PLXNB3: variants seen among roughly 807,000 people sequenced by gnomAD.
PLXNB3 encodes the protein plexin B3.
Under a neutral mutation model 125.7 loss-of-function variants are expected in PLXNB3, and 80 were observed. That is an observed-to-expected ratio of 0.64 (90% confidence interval 0.53 to 0.77). The LOEUF is 0.77. PLXNB3 is among the 30% of genes least tolerant of loss of function. The pLI is 0.00. For missense variants in PLXNB3, 1,836 were observed against 1,729.3 expected (o/e 1.06, Z -1.09); for synonymous variants, 954 against 783.3 (o/e 1.22, Z -3.64).
intron 32 of PLXNB3, 27 bp from the exon 33 acceptor site, chrX:153,778,234 C>A: frequency 8.3e-7 from 1 of 1,200,691 alleles, no homozygotes; most frequent in Non-Finnish European, 1.1e-6. Context: ...GAGCTCATGC[C>A]TAGCGCCTCC....
intron 4 of PLXNB3, among the ~76,000 whole-genome samples, 158 bp downstream of exon 4, chrX:153,768,586 G>A (rs1365053709): frequency 7.1e-5 from 8 of 113,026 alleles, no homozygotes; most frequent in Non-Finnish European, 1.3e-4. Context: ...CCTGCAGCCC[G>A]GCCTTCACCA....
At position 153,766,531 on chromosome X, in the gene PLXNB3, G is replaced by A; in HGVS notation, c.46-342G>A. 3.9e-6 allele frequency: 4 copies of A among 1,029,726 alleles called. No individual in the cohort carries two copies. In the South Asian group the frequency reaches 9.4e-5, roughly 24 times the overall value. The allele number at this position is 1,029,726 out of a possible 1,213,427, so 84.9% of individuals were successfully genotyped here. A position where few individuals can be genotyped will look rare whatever the true frequency, so the allele number is the denominator to read the frequency against. On this transcript the variant is annotated intron_variant, in intron 2 of 35. Coordinates refer to ENST00000361971, the MANE Select transcript of PLXNB3 (RefSeq NM_005393.3). ...TGTGACTCACAGTCCCTCTGTTAGCGCTCTTGCGGCTTTCCAGGACCTGCC... is the reference window on the plus strand; with the variant it reads ...TGTGACTCACAGTCCCTCTGTTAGCACTCTTGCGGCTTTCCAGGACCTGCC...
Position 153,778,580 on chromosome X carries a change from C to T in PLXNB3, c.5551-20C>T. On this transcript the variant is annotated intron_variant, in intron 34 of 35. Transcript: ENST00000361971. The stretch of plus-strand genomic sequence containing the variant: ...GACCAGGCTGGGACCTCACTGCCCC[C>T]CTCCACGTGGTGCCCCCAGAACTAC... 1 of 1,188,910 alleles carries T rather than the reference C, an allele frequency of 8.4e-7. No individual in the cohort carries two copies. Among genetic ancestry groups the T allele is most frequent in the Non-Finnish European group, 1.1e-6 (1 of 879,725 alleles).
Position 153,778,294 on chromosome X carries a change from G to C in PLXNB3, c.5443G>C (p.Glu1815Gln). 1.4e-5 allele frequency: 17 copies of C among 1,201,233 alleles called. No homozygotes were observed. The highest frequency in any genetic ancestry group is 1.9e-5 in the Non-Finnish European group (17 of 888,506). ...AGTGAACAAACTGCTCTACGCCCGG[G>C]AGATCCCACGCTACAAGCAGATGGT... The part of the protein sequence containing the change: ...SPVNKLLYAR[E>Q]IPRYKQMVER... Residue 1815 changes from glutamate (E) to glutamine (Q), a missense_variant, in exon 33 of 36, where the codon GAG (glutamate) becomes CAG (glutamine). By Grantham distance (29) the Glu-to-Gln change is conservative. Coordinates refer to ENST00000361971, the MANE Select transcript of PLXNB3 (RefSeq NM_005393.3).
chrX:153,765,837 A>G (rs1557058972), intron 2 of PLXNB3: 1 of 752,867 alleles, frequency 1.3e-6, no homozygotes, highest in Non-Finnish European at 1.6e-6. Context: ...ATGTGACCAC[A>G]CACCCAGGGC....
Position 153,771,975 on chromosome X carries a change from C to T in PLXNB3, c.2629C>T (p.Pro877Ser). 1 of 1,205,981 alleles carries T rather than the reference C, an allele frequency of 8.3e-7. No homozygotes were observed. The change falls in exon 15 of 36, where the codon CCC becomes TCC. Residue 877 changes from proline to serine, a missense_variant. Transcript: ENST00000361971. ...VQYAVSVASR[P>S]CNPEPSLYRT... ...GTACGCCGTGAGCGTGGCCAGCCGG[C>T]CCTGCAACCCTGAGCCCTCTCTCTA...
In PLXNB3 at chrX:153,776,220, A is replaced by G; in HGVS notation, c.4729+6A>G. On this transcript the variant is annotated splice_donor_region_variant and intron_variant, in intron 27 of 35. Transcript: ENST00000361971. ...AGTGCATGCCCTAGACCTTGGTGAG[A>G]GAGCCAGCCCTGCCCACCCACCCCA... 1 of 1,161,526 alleles carries G rather than the reference A, an allele frequency of 8.6e-7. No homozygotes were observed. Among genetic ancestry groups the G allele is most frequent in the African/African-American group, 1.8e-5 (1 of 56,532 alleles).
At chrX:153,777,447 G>A (rs1386943646) in intron 30 of PLXNB3, 67 bp downstream of exon 30, 7 of 1,182,826 alleles carry the variant, frequency 5.9e-6, no homozygotes, top group African/African-American at 5.3e-5. Context: ...GAGCCAGGGT[G>A]TGGGAGGGGC....
chrX:153,775,959 G>A lies in PLXNB3; in HGVS notation c.4474G>A (p.Ala1492Thr), dbSNP rs2091981187. The A allele has an allele frequency of 8.3e-7, 1 of 1,210,085 alleles. No individual in the cohort carries two copies. Among genetic ancestry groups the A allele is most frequent in the African/African-American group, 1.7e-5 (1 of 57,551 alleles). Residue 1492 changes from alanine (A) to threonine (T), a missense_variant, in exon 27 of 36, where the codon GCC (alanine) becomes ACC (threonine). Physicochemically the swap from Ala to Thr is moderately conservative, Grantham distance 58. Transcript: ENST00000361971. ...CCAGGTGGACAAAGGCCCCGTGGAC[G>A]CCGTGACAGGCAAGGCCAAACGGAC... ...QYQVDKGPVD[A>T]VTGKAKRTLN...
chrX:153,773,787 C>T (rs2091958284), intron 19 of PLXNB3, 72 bp from the exon 20 acceptor site: 8 of 1,193,696 alleles, frequency 6.7e-6, no homozygotes, highest in African/African-American at 1.7e-5. Context: ...GGAGGGTAGG[C>T]CGCCATGCCC....
Position 153,770,554 on chromosome X carries a change from G to A in PLXNB3, c.1922G>A (p.Trp641Ter). Residue 641 changes from tryptophan to a stop codon, truncating the protein, a stop_gained, in exon 10 of 36, where the codon TGG becomes TAG. Coordinates refer to ENST00000361971, the MANE Select transcript of PLXNB3 (RefSeq NM_005393.3). LOFTEE classifies it high-confidence loss of function. Reference sequence around the variant, plus strand: ...TGTCGCGCTTGCGTGGGCAGCATCTGGCGGTGTCACTGGTGCCCGCAGAGT... The same window carrying A: ...TGTCGCGCTTGCGTGGGCAGCATCTAGCGGTGTCACTGGTGCCCGCAGAGT... The part of the protein sequence containing the change: ...APCRACVGSI[W>*]RCHWCPQSSH... 1 of 1,211,324 alleles carries A rather than the reference G, an allele frequency of 8.3e-7. No individual in the cohort carries two copies. Among genetic ancestry groups the A allele is most frequent in the Non-Finnish European group, 1.1e-6 (1 of 895,460 alleles).
At position 153,767,831 on chromosome X, in the gene PLXNB3, C is replaced by T. The variant is rs1236522993; in HGVS notation, c.1004C>T (p.Thr335Met). 16 of 1,147,213 alleles carry T rather than the reference C, an allele frequency of 1.4e-5. No individual in the cohort carries two copies. Among genetic ancestry groups the T allele is most frequent in the South Asian group, 4.0e-5 (2 of 50,390 alleles). 94.5% of individuals were successfully genotyped at this position (1,147,213 alleles called of 1,213,427 possible). ...SMEQARRLCY[T>M]AGGRGPSGAE... ...GAGCAGGCCCGGAGACTCTGCTACA[C>T]GGCGGGCGGCCGGGGCCCCAGCGGC... Residue 335 changes from threonine to methionine, a missense_variant, in exon 3 of 36, where the codon ACG becomes ATG. Coordinates refer to ENST00000361971, the MANE Select transcript of PLXNB3 (RefSeq NM_005393.3).
rs1557061808 is a variant in PLXNB3 at position 153,771,384 on chromosome X, C to T, written c.2328C>T (p.Asp776=). 8.3e-7 allele frequency: 1 copy of T among 1,210,084 alleles called. No homozygotes were observed. Among genetic ancestry groups the T allele is most frequent in the Non-Finnish European group, 1.1e-6 (1 of 894,212 alleles). The change falls in exon 13 of 36, where the codon GAC becomes GAT. Residue 776 remains aspartate, a synonymous_variant. Coordinates refer to ENST00000361971, the MANE Select transcript of PLXNB3 (RefSeq NM_005393.3). ...CCCAGGGTGAAGCCCAGAGGCTGGACAACACCCATGCTCTTTATGGTGAGC... is the reference window on the plus strand; with the variant it reads ...CCCAGGGTGAAGCCCAGAGGCTGGATAACACCCATGCTCTTTATGGTGAGC... The part of the protein sequence containing the change: ...YVTQGEAQRL[D]NTHALYVILY...
In PLXNB3 at chrX:153,767,676, C is replaced by T. The variant is rs782739798; in HGVS notation, c.849C>T (p.Cys283=). 3.4e-6 allele frequency: 4 copies of T among 1,186,995 alleles called. No homozygotes were observed. Among genetic ancestry groups the T allele is most frequent in the Non-Finnish European group, 4.5e-6 (4 of 883,184 alleles). Residue 283 remains cysteine (C), a synonymous_variant, in exon 3 of 36, where the codon TGC becomes TGT. Coordinates refer to ENST00000361971, the MANE Select transcript of PLXNB3 (RefSeq NM_005393.3). ...CCTACGTGGAGGTCCCCCTCGCCTG[C>T]CAGGGCCAGGGCCTCATCCAGGCCG... is the stretch of plus-strand genomic sequence containing the variant. The part of the protein sequence containing the change: ...LYSYVEVPLA[C]QGQGLIQAAF...
intron 25 of PLXNB3, 30 bp from the exon 26 acceptor site, chrX:153,775,564 A>T (rs1557063789): frequency 1.5e-5 from 18 of 1,197,424 alleles, no homozygotes; most frequent in Non-Finnish European, 2.0e-5. Context: ...ACAGGCACAA[A>T]GGCCTGACCC....
In PLXNB3 at chrX:153,768,335, G is replaced by A. The variant is rs143340217; in HGVS notation, c.1173G>A (p.Leu391=). The change falls in exon 4 of 36, where the codon CTG becomes CTA. Residue 391 remains leucine (L), a synonymous_variant. Transcript: ENST00000361971. ...AGCCCCTGGAGGTCCAGCCTCTGCTGAAGCTCGGGCAGCCGGTCAGCGCCG... is the reference window on the plus strand; with the variant it reads ...AGCCCCTGGAGGTCCAGCCTCTGCTAAAGCTCGGGCAGCCGGTCAGCGCCG... ...GRQPLEVQPL[L]KLGQPVSAVA... is the part of the protein sequence containing the mutation. The A allele has an allele frequency of 4.7e-4, 567 of 1,209,799 alleles. No homozygotes were observed. Among genetic ancestry groups the A allele is most frequent in the Non-Finnish European group, 5.2e-4 (461 of 894,785 alleles).
At position 153,774,065 on chromosome X, in the gene PLXNB3, C is replaced by T; in HGVS notation, c.3486C>T (p.Tyr1162=). The change falls in exon 20 of 36, where the codon TAC becomes TAT. Residue 1162 remains tyrosine (Y), a synonymous_variant. Transcript: ENST00000361971. The part of the protein sequence containing the change: ...PLSREGPARP[Y]RLKPGHVLDV... ...GCCGCGAGGGGCCTGCCCGCCCCTA[C>T]CGCCTCAAGCCAGGCCATGTCCTGG... is the stretch of plus-strand genomic sequence containing the variant. 8.4e-7 allele frequency: 1 copy of T among 1,189,609 alleles called. No homozygotes were observed. The highest frequency in any genetic ancestry group is 1.1e-6 in the Non-Finnish European group (1 of 884,388).
At position 153,766,287 on chromosome X, in the gene PLXNB3, G is replaced by A. The variant is rs782608230; in HGVS notation, c.46-586G>A. ...CTGCCTGGCTCTTTCCCCCAGCTGCGGAGGGTTCCTCCTTGCAGCCGGCCC... is the reference window on the plus strand; with the variant it reads ...CTGCCTGGCTCTTTCCCCCAGCTGCAGAGGGTTCCTCCTTGCAGCCGGCCC... On this transcript the variant is annotated intron_variant, in intron 2 of 35. Coordinates refer to ENST00000361971, the MANE Select transcript of PLXNB3 (RefSeq NM_005393.3). 5.3e-5 allele frequency: 62 copies of A among 1,164,213 alleles called. No individual in the cohort carries two copies. The highest frequency in any genetic ancestry group is 2.3e-4 in the Middle Eastern group (1 of 4,288).
At position 153,767,424 on chromosome X, in the gene PLXNB3, G is replaced by T; in HGVS notation, c.597G>T (p.Gly199=). The change falls in exon 3 of 36, where the codon GGG becomes GGT. Residue 199 remains glycine, a synonymous_variant. Transcript: ENST00000361971. ...GCCTGGCGGGCAAGCTGTCGGCAGG[G>T]GTGCCACCCCTGGCCATCCGCCAGC... ...ARGLAGKLSA[G]VPPLAIRQLA... The T allele has an allele frequency of 8.4e-7, 1 of 1,187,724 alleles. No homozygotes were observed. The highest frequency in any genetic ancestry group is 1.1e-6 in the Non-Finnish European group (1 of 882,734).
Sources: gnomAD v4.1 joint callset for allele counts (sites outside exome capture counted in the v4.1 genomes callset) on GRCh38, gnomAD v4.1.1 for gene constraint, MANE v1.5 for transcripts, NCBI Gene and HGNC (gene_info 2026-07-23, HGNC 2026-07-21) for gene names.